The following STXBP4 variants were observed in gnomAD, a reference collection of about 807,000 sequenced individuals.
STXBP4 encodes the protein syntaxin-binding protein 4.
In STXBP4, 55 loss-of-function variants were observed where a neutral mutation model predicts 76.1. The observed-to-expected ratio is 0.72, with a 90% CI of 0.58 to 0.91. The LOEUF (loss-of-function observed/expected upper bound fraction) is 0.91. STXBP4 is among the 40% of genes least tolerant of loss of function. The pLI, the probability that STXBP4 is intolerant of heterozygous loss-of-function variation, is 0.00. For missense variants in STXBP4, 618 were observed against 636.9 expected (o/e 0.97, Z 0.32); for synonymous variants, 201 against 220.2 (o/e 0.91, Z 0.77).
Position 55,162,570 on chromosome 17 carries a change from TAAAAAAA to T in STXBP4, c.*2666_*2672del, listed in dbSNP as rs11364545. On this transcript the variant is annotated 3_prime_UTR_variant, in exon 18 of 18. Transcript: ENST00000376352. ...TCCTGGGTTCCACTTACTCTTGATT[TAAAAAAA>T]AAAAAACAACAAAAGAGTTTGTGTG... 2 of 148,204 alleles carry T rather than the reference TAAAAAAA, an allele frequency of 1.3e-5. No homozygotes were observed. Among genetic ancestry groups the T allele is most frequent in the Non-Finnish European group, 3.0e-5 (2 of 66,884 alleles). The allele number at this position is 148,204 out of a possible 1,614,324, so 9.2% of individuals were successfully genotyped here.
intron 6 of STXBP4, 80 bp from the exon 7 acceptor site, chr17:55,000,728 C>T: frequency 2.0e-6 from 2 of 978,520 alleles, no homozygotes; most frequent in East Asian, 2.4e-5. Flanking sequence ...ATCTCTTTAA[C>T]CATTCTTTTT....
intron 8 of STXBP4, among the ~76,000 whole-genome samples, chr17:55,022,649 C>T (rs2144634100): frequency 6.6e-6 from 1 of 152,208 alleles, no homozygotes; most frequent in Non-Finnish European, 1.5e-5. Context: ...CACGGAAGAG[C>T]TGTCTGAGAA....
chr17:55,082,644 C>CTG (rs1343754925), intron 16 of STXBP4, among the ~76,000 whole-genome samples: 1 of 152,056 alleles, frequency 6.6e-6, no homozygotes, highest in Non-Finnish European at 1.5e-5. Flanking sequence ...TCCCCAAACA[C>CTG]TGTGACAATA....
At chr17:55,120,868 G>A (rs2145089351) in intron 16 of STXBP4, among the ~76,000 whole-genome samples, 1 of 152,024 alleles carries the variant, frequency 6.6e-6, no homozygotes, top group East Asian at 1.9e-4. Context: ...CAAGTTCCAT[G>A]CCCTCAGAGT....
intron 17 of STXBP4, among the ~76,000 whole-genome samples, chr17:55,152,632 C>G (rs1414259632): frequency 6.6e-6 from 1 of 152,128 alleles, no homozygotes; most frequent in Non-Finnish European, 1.5e-5. Context: ...AAATGCCAGA[C>G]GCTTATTAAA....
intron 16 of STXBP4, among the ~76,000 whole-genome samples, chr17:55,134,314 A>G (rs918441777): frequency 2.6e-5 from 4 of 152,114 alleles, no homozygotes; most frequent in Admixed American, 2.0e-4. Context: ...TTAATGAAGT[A>G]CACAGTTATT....
downstream of STXBP4, among the ~76,000 whole-genome samples, chr17:55,176,688 G>A (rs148266893): frequency 3.1e-4 from 47 of 152,286 alleles, 2 homozygotes; most frequent in African/African-American, 1.1e-3. Flanking sequence ...TTCTAGGTGT[G>A]TCTGTGAGGG....
intron 16 of STXBP4, among the ~76,000 whole-genome samples, chr17:55,090,348 AGCTTCAG>A (rs1323711442): frequency 6.6e-6 from 1 of 152,082 alleles, no homozygotes; most frequent in Non-Finnish European, 1.5e-5. Flanking sequence ...TTGGCACGAC[AGCTTCAG>A]CACCAAAAGC....
At position 55,159,913 on chromosome 17, in the gene STXBP4, G is replaced by T. The variant is rs1326249577; in HGVS notation, c.*2G>T. The T allele has an allele frequency of 1.9e-6, 3 of 1,596,512 alleles. No individual in the cohort carries two copies. Among genetic ancestry groups the T allele is most frequent in the Non-Finnish European group, 8.6e-7 (1 of 1,164,444 alleles). On this transcript the variant is annotated 3_prime_UTR_variant, in exon 18 of 18. Coordinates refer to ENST00000376352, the MANE Select transcript of STXBP4 (RefSeq NM_178509.6). ...GAACTCCCCAACCAGAAAAGTTGAT[G>T]GTTTTCCTTAGGAAGTGGAGCTACA...
At position 54,990,900 on chromosome 17, in the gene STXBP4, G is replaced by C. The variant is rs745842177; in HGVS notation, c.123G>C (p.Arg41=). The C allele has an allele frequency of 6.2e-7, 1 of 1,604,530 alleles. No homozygotes were observed. ...TGAAGGTACTAGGAGGAATTAACCG[G>C]AATGAAGGCCCATTGGTATATATTC... ...LGLKVLGGIN[R]NEGPLVYIQE... Residue 41 remains arginine (R), a synonymous_variant, in exon 4 of 18, where the codon CGG becomes CGC. Coordinates refer to ENST00000376352, the MANE Select transcript of STXBP4 (RefSeq NM_178509.6).
At chr17:54,998,649 A>G (rs1327199607) in intron 4 of STXBP4, among the ~76,000 whole-genome samples, 1 of 152,160 alleles carries the variant, frequency 6.6e-6, no homozygotes, top group South Asian at 2.1e-4. Flanking sequence ...GATAGCAGGT[A>G]TAGTAAAAAA....
chr17:55,056,448 C>G (rs888044689), intron 12 of STXBP4, among the ~76,000 whole-genome samples: 1 of 152,132 alleles, frequency 6.6e-6, no homozygotes, highest in Non-Finnish European at 1.5e-5. Context: ...TTAAAAGTTT[C>G]TAATGACTGA....
chr17:55,143,426 T>C (rs1004871696), intron 17 of STXBP4, among the ~76,000 whole-genome samples: 1 of 152,012 alleles, frequency 6.6e-6, no homozygotes, highest in Non-Finnish European at 1.5e-5. Context: ...TAACCCAGAG[T>C]TGAATGTCAG....
intron 12 of STXBP4, among the ~76,000 whole-genome samples, chr17:55,053,491 T>C (rs1469459408): frequency 6.6e-6 from 1 of 152,170 alleles, no homozygotes; most frequent in African/African-American, 2.4e-5. Flanking sequence ...CTTACAAGAA[T>C]ATATTGTTTC....
In STXBP4 at chr17:55,170,172, A is replaced by T. The variant is rs1055220913; in HGVS notation, c.*10261A>T. ...TTCTTCTGTGAATTTATCCTCACAA[A>T]TGACCCCAAGTTTAGACCAAAATAA... On this transcript the variant is annotated 3_prime_UTR_variant, in exon 18 of 18. Transcript: ENST00000376352. 9.2e-5 allele frequency: 14 copies of T among 152,214 alleles called. No individual in the cohort carries two copies. The highest frequency in any genetic ancestry group is 1.5e-4 in the Non-Finnish European group (10 of 68,032). 9.4% of individuals were successfully genotyped at this position (152,214 alleles called of 1,614,324 possible).
At chr17:55,083,897 G>A (rs1334181722) in intron 16 of STXBP4, among the ~76,000 whole-genome samples, 1 of 152,148 alleles carries the variant, frequency 6.6e-6, no homozygotes, top group East Asian at 1.9e-4. Context: ...TTGAGGGGAT[G>A]GGACTTAGAC....
the STXBP4 span, among the ~76,000 whole-genome samples, chr17:55,184,973 G>C: frequency 6.6e-6 from 1 of 152,128 alleles, no homozygotes; most frequent in East Asian, 1.9e-4. Flanking sequence ...CTGGGCCCGA[G>C]CCATCCTGCC....
intron 17 of STXBP4, among the ~76,000 whole-genome samples, chr17:55,146,488 G>T (rs2080155312): frequency 6.6e-6 from 1 of 152,106 alleles, no homozygotes; most frequent in Non-Finnish European, 1.5e-5. Flanking sequence ...AAGGCAGGCG[G>T]ATCACGAGGT....
intron 12 of STXBP4, among the ~76,000 whole-genome samples, chr17:55,051,244 A>G (rs74422382): frequency 0.014 from 2,188 of 152,238 alleles, 42 homozygotes; most frequent in African/African-American, 0.041. Flanking sequence ...ATGGAAAGGG[A>G]AAAATAAACC....
Sources: allele counts gnomAD v4.1 joint callset (sites outside exome capture counted in the v4.1 genomes callset), GRCh38; gene constraint gnomAD v4.1.1; transcripts MANE v1.5; gene names NCBI Gene and HGNC (gene_info 2026-07-23, HGNC 2026-07-21).